KCNMA1: variants seen among roughly 807,000 people sequenced by gnomAD.
The protein encoded by KCNMA1 is Calcium-activated potassium channel subunit alpha-1.
KCNMA1 carries 29 observed loss-of-function variants against 140.0 expected under a neutral mutation model. The ratio of observed to expected loss-of-function variants is 0.21; its 90% confidence interval spans 0.15 to 0.28. The LOEUF is 0.28. KCNMA1 is among the 10% of genes least tolerant of loss of function. KCNMA1 has a pLI of 1.00. For missense variants in KCNMA1, 880 were observed against 1,602.2 expected (o/e 0.55, Z 7.70); for synonymous variants, 612 against 611.9 (o/e 1.00, Z 0.00).
At chr10:77,511,385 A>G (rs2048335814) in intron 1 of KCNMA1, among the ~76,000 whole-genome samples, 1 of 152,212 alleles carries the variant, frequency 6.6e-6, no homozygotes, top group South Asian at 2.1e-4. Flanking sequence ...TGAAACATCC[A>G]TTCTCTTCTG....
At chr10:77,103,775 C>T (rs2097146990) in intron 9 of KCNMA1, among the ~76,000 whole-genome samples, 1 of 152,198 alleles carries the variant, frequency 6.6e-6, no homozygotes. Flanking sequence ...GTTTTGTCCC[C>T]TCTCCATCTT....
intron 1 of KCNMA1, among the ~76,000 whole-genome samples, chr10:77,451,159 T>TAG (rs2097649317): frequency 6.6e-6 from 1 of 152,208 alleles, no homozygotes; most frequent in African/African-American, 2.4e-5. Context: ...CAAGCCCTAC[T>TAG]GGCTTAGCCT....
At chr10:77,369,080 G>A (rs568522589) in intron 2 of KCNMA1, among the ~76,000 whole-genome samples, 1 of 152,322 alleles carries the variant, frequency 6.6e-6, no homozygotes, top group East Asian at 1.9e-4. Flanking sequence ...TCTGCAAACA[G>A]TCCTGCTTAG....
At chr10:76,925,285 A>G (rs1179998916) in intron 23 of KCNMA1, among the ~76,000 whole-genome samples, 3 of 151,958 alleles carry the variant, frequency 2.0e-5, no homozygotes, top group East Asian at 3.9e-4. Flanking sequence ...TATTGTTTTT[A>G]TTTATTCTTA....
chr10:77,435,489 C>A (rs576273263), intron 1 of KCNMA1, among the ~76,000 whole-genome samples: 1 of 152,224 alleles, frequency 6.6e-6, no homozygotes, highest in South Asian at 2.1e-4. Flanking sequence ...AAACAGTAAA[C>A]CGAGACTTTC....
chr10:76,935,973 T>C (rs144005458), intron 23 of KCNMA1, among the ~76,000 whole-genome samples: 3 of 152,252 alleles, frequency 2.0e-5, no homozygotes, highest in African/African-American at 7.2e-5. Context: ...TCTCTTATTA[T>C]AGCTGCTGCT....
At chr10:76,958,924 C>T (rs2069602648) in intron 20 of KCNMA1, among the ~76,000 whole-genome samples, 1 of 152,152 alleles carries the variant, frequency 6.6e-6, no homozygotes, top group Non-Finnish European at 1.5e-5. Context: ...ATCAGATATC[C>T]CTTAGCTGAA....
In KCNMA1 at chr10:77,458,477, AC is replaced by A. The variant is rs544089580; in HGVS notation, c.379-54455del. Among the ~76,000 whole-genome samples, 6 of 152,296 alleles carry A rather than the reference AC, an allele frequency of 3.9e-5. No homozygotes were observed. In the South Asian group the frequency reaches 1.2e-3, roughly 32 times the overall value. ...GACTTCAACTTACACACATGAACAAACACGAATCTCAACTCCCTGTTATGGT... is the reference window on the plus strand; with the variant it reads ...GACTTCAACTTACACACATGAACAAAACGAATCTCAACTCCCTGTTATGGT... On this transcript the variant is annotated intron_variant, in intron 1 of 27. Transcript: ENST00000286628.
intron 21 of KCNMA1, among the ~76,000 whole-genome samples, chr10:76,951,444 G>C (rs1475531215): frequency 1.3e-5 from 2 of 152,098 alleles, no homozygotes; most frequent in Non-Finnish European, 2.9e-5. Context: ...ACACACCCTA[G>C]TCCTTCTCCC....
chr10:77,497,656 G>A (rs1012099192), intron 1 of KCNMA1, among the ~76,000 whole-genome samples: 3 of 152,218 alleles, frequency 2.0e-5, no homozygotes, highest in Non-Finnish European at 4.4e-5. Flanking sequence ...ACCCGACTTA[G>A]ATCACCAGGA....
At chr10:77,465,925 T>A (rs543327383) in intron 1 of KCNMA1, among the ~76,000 whole-genome samples, 60 of 152,108 alleles carry the variant, frequency 3.9e-4, no homozygotes, top group Non-Finnish European at 7.8e-4. Context: ...GAGACACCCA[T>A]GGGATGCTAA....
chr10:77,435,869 T>C (rs2097252890), intron 1 of KCNMA1, among the ~76,000 whole-genome samples: 1 of 152,112 alleles, frequency 6.6e-6, no homozygotes, highest in African/African-American at 2.4e-5. Flanking sequence ...ACCCAACCCA[T>C]CCACCTGGCA....
At chr10:77,141,514 C>G (rs189813560) in intron 5 of KCNMA1, among the ~76,000 whole-genome samples, 1 of 152,154 alleles carries the variant, frequency 6.6e-6, no homozygotes, top group Non-Finnish European at 1.5e-5. Context: ...AGAGGGCAGC[C>G]GCCTGCAAGC....
At chr10:77,077,485 T>C (rs1157029314) in intron 13 of KCNMA1, among the ~76,000 whole-genome samples, 1 of 152,204 alleles carries the variant, frequency 6.6e-6, no homozygotes, top group African/African-American at 2.4e-5. Flanking sequence ...ACTGTCTGGA[T>C]CCCAGGCCGG....
chr10:77,213,516 A>G (rs1449989981), intron 3 of KCNMA1, among the ~76,000 whole-genome samples: 1 of 152,172 alleles, frequency 6.6e-6, no homozygotes, highest in Non-Finnish European at 1.5e-5. Context: ...TAAGTTTGAA[A>G]CTGTAATCAG....
intron 2 of KCNMA1, among the ~76,000 whole-genome samples, chr10:77,270,337 G>A (rs144581385): frequency 6.6e-6 from 1 of 152,230 alleles, no homozygotes; most frequent in Non-Finnish European, 1.5e-5. Flanking sequence ...AGAAATAGTG[G>A]TGCATGTTGG....
At chr10:76,932,404 ATAAAAAGAGGTAAAG>A (rs2059499904) in intron 23 of KCNMA1, among the ~76,000 whole-genome samples, 1 of 152,176 alleles carries the variant, frequency 6.6e-6, no homozygotes, top group Admixed American at 6.5e-5. Context: ...GAAAATTGAG[ATAAAAAGAGGTAAAG>A]TAATTTTCCC....
At chr10:77,429,376 A>G (rs2097098932) in intron 1 of KCNMA1, among the ~76,000 whole-genome samples, 1 of 152,192 alleles carries the variant, frequency 6.6e-6, no homozygotes, top group African/African-American at 2.4e-5. Context: ...GCATCTATCC[A>G]GTAGCTATTC....
intron 12 of KCNMA1, among the ~76,000 whole-genome samples, chr10:77,080,251 G>A (rs1212448917): frequency 6.6e-6 from 1 of 152,164 alleles, no homozygotes; most frequent in Non-Finnish European, 1.5e-5. Context: ...TAATCTGCAT[G>A]CAATTAAAAG....
Sources: gnomAD v4.1 joint callset for allele counts (sites outside exome capture counted in the v4.1 genomes callset) on GRCh38, gnomAD v4.1.1 for gene constraint, MANE v1.5 for transcripts, NCBI Gene and HGNC (gene_info 2026-07-23, HGNC 2026-07-21) for gene names.